LRP1B: variants seen among roughly 807,000 people sequenced by gnomAD.
The protein encoded by LRP1B is LDL receptor related protein 1B.
Under a neutral mutation model 556.6 loss-of-function variants are expected in LRP1B, and 217 were observed. That is an observed-to-expected ratio of 0.39 (90% CI 0.35 to 0.44). The LOEUF (loss-of-function observed/expected upper bound fraction) is 0.44. LRP1B is among the 20% of genes least tolerant of loss of function. The probability of loss-of-function intolerance (pLI) is 1.00; values close to 1 mark genes in which losing one functional copy is unlikely to be tolerated. For missense variants in LRP1B, 5,053 were observed against 5,620.8 expected, an observed-to-expected ratio of 0.90 and a Z score of 3.23; for synonymous variants, 2,047 against 1,865.8, an observed-to-expected ratio of 1.10 and a Z score of -2.50.
At position 141,995,416 on chromosome 2, in the gene LRP1B, T is replaced by C. The variant is rs191708922; in HGVS notation, c.82+135232A>G. 1.8e-4 allele frequency among the ~76,000 whole-genome samples: 27 copies of C among 152,302 alleles called. No individual in the cohort carries two copies. In the East Asian group the frequency reaches 4.2e-3, roughly 24 times the overall value. The stretch of plus-strand genomic sequence containing the variant: ...GCCTTAGCTCATCTGCTTCTGACTC[T>C]GACTCTTCCGCCTCCCTCTTTTAGC... On this transcript the variant is annotated intron_variant, in intron 1 of 90. Coordinates refer to ENST00000389484, the MANE Select transcript of LRP1B (RefSeq NM_018557.3).
chr2:141,784,829 G>A (rs1464668202), intron 2 of LRP1B, among the ~76,000 whole-genome samples: 2 of 151,874 alleles, frequency 1.3e-5, no homozygotes, highest in Non-Finnish European at 2.9e-5. Flanking sequence ...GTTTGGCACC[G>A]ATAACAGTCA....
chr2:141,385,867 T>C (rs1000424492), intron 3 of LRP1B, among the ~76,000 whole-genome samples: 1 of 152,216 alleles, frequency 6.6e-6, no homozygotes, highest in Non-Finnish European at 1.5e-5. Context: ...CTGGTGCTAC[T>C]AGGATGCTGC....
At chr2:141,015,589 A>G in intron 13 of LRP1B, 107 bp downstream of exon 13, 1 of 892,048 alleles carries the variant, frequency 1.1e-6, no homozygotes, top group Non-Finnish European at 1.7e-6. Context: ...ATTGGCAGCC[A>G]CCTCAGAGGA....
chr2:140,673,947 T>C (rs1433036345), intron 41 of LRP1B, among the ~76,000 whole-genome samples: 1 of 135,006 alleles, frequency 7.4e-6, no homozygotes, highest in Non-Finnish European at 1.6e-5. Context: ...CTTTTTTCTT[T>C]TTTTTTTTTT....
chr2:140,317,172 A>G (rs1222584120), intron 82 of LRP1B, among the ~76,000 whole-genome samples: 1 of 152,132 alleles, frequency 6.6e-6, no homozygotes, highest in Non-Finnish European at 1.5e-5. Flanking sequence ...TGAAGAAAGA[A>G]GCAGTAAGAG....
rs1376453612 is a variant in LRP1B at position 140,341,162 on chromosome 2, T to C, written c.11893-5324A>G. Among the ~76,000 whole-genome samples the C allele has an allele frequency of 3.3e-5, 5 of 151,632 alleles. No individual in the cohort carries two copies. In the East Asian group the frequency reaches 9.7e-4, roughly 29 times the overall value. ...AATAAATTGTGTTCTTATATCTCAG[T>C]GTCTCTCATCCATCAAATTCATTCA... On this transcript the variant is annotated intron_variant, in intron 77 of 90. Coordinates refer to ENST00000389484, the MANE Select transcript of LRP1B (RefSeq NM_018557.3).
intron 41 of LRP1B, among the ~76,000 whole-genome samples, chr2:140,606,894 G>A (rs1340607051): frequency 6.6e-6 from 1 of 151,886 alleles, no homozygotes; most frequent in Non-Finnish European, 1.5e-5. Flanking sequence ...TTTGGGTTAA[G>A]CAAAGCCTTC....
rs373730550 is a variant in LRP1B at position 141,079,767 on chromosome 2, C to T, written c.1014-17494G>A. On this transcript the variant is annotated intron_variant, in intron 7 of 90. Transcript: ENST00000389484. ...TTTTATGAAGACTATGTAAAAACTTCGTCAAAGATGATCTCATTGATCATG... is the reference window on the plus strand; with the variant it reads ...TTTTATGAAGACTATGTAAAAACTTTGTCAAAGATGATCTCATTGATCATG... Among the ~76,000 whole-genome samples the T allele has an allele frequency of 5.9e-5, 9 of 152,164 alleles. No individual in the cohort carries two copies. In the South Asian group the frequency reaches 1.4e-3, roughly 25 times the overall value.
intron 14 of LRP1B, among the ~76,000 whole-genome samples, chr2:141,007,605 A>G (rs1244689900): frequency 6.6e-6 from 1 of 151,684 alleles, no homozygotes; most frequent in African/African-American, 2.4e-5. Flanking sequence ...CTGTTATTCT[A>G]TGTTGTACAC....
intron 1 of LRP1B, among the ~76,000 whole-genome samples, chr2:141,970,615 G>A (rs914505810): frequency 6.6e-6 from 1 of 151,434 alleles, no homozygotes; most frequent in Non-Finnish European, 1.5e-5. Flanking sequence ...GTAACTGTAA[G>A]TATATGCCAT....
chr2:141,972,155 T>G (rs1701759944), intron 1 of LRP1B, among the ~76,000 whole-genome samples: 1 of 151,620 alleles, frequency 6.6e-6, no homozygotes, highest in Non-Finnish European at 1.5e-5. Flanking sequence ...AAATAATTAT[T>G]GAATAGTGGT....
intron 4 of LRP1B, among the ~76,000 whole-genome samples, chr2:141,249,818 G>A (rs1219243644): frequency 1.3e-5 from 2 of 152,128 alleles, no homozygotes; most frequent in African/African-American, 2.4e-5. Context: ...TTGTACTGAT[G>A]TTGATGTAAT....
intron 86 of LRP1B, among the ~76,000 whole-genome samples, chr2:140,261,570 T>G (rs1198555012): frequency 6.6e-6 from 1 of 151,896 alleles, no homozygotes; most frequent in Non-Finnish European, 1.5e-5. Context: ...ATAATTAGGT[T>G]GAATAACCTA....
Position 140,850,124 on chromosome 2 carries a change from C to A in LRP1B, c.4917G>T (p.Gly1639=), listed in dbSNP as rs199598164. Residue 1639 remains glycine, a synonymous_variant, in exon 29 of 91, where the codon GGG becomes GGT. Transcript: ENST00000389484. ...TACCTCTTGAAATAACAGTTTCTAA[C>A]CCAGTTCCGTTAATAAAAGCTCGTT... ...TIKRAFINGT[G]LETVISRDIQ... 1.2e-6 allele frequency: 2 copies of A among 1,610,908 alleles called. No individual in the cohort carries two copies. Among genetic ancestry groups the A allele is most frequent in the South Asian group, 1.1e-5 (1 of 90,894 alleles).
chr2:140,638,977 C>T (rs1684175418), intron 41 of LRP1B, among the ~76,000 whole-genome samples: 1 of 151,416 alleles, frequency 6.6e-6, no homozygotes. Context: ...AGTAATTTCT[C>T]CAACGAGAAA....
chr2:140,467,958 T>C (rs1233408261), intron 60 of LRP1B, among the ~76,000 whole-genome samples: 2 of 152,098 alleles, frequency 1.3e-5, no homozygotes, highest in East Asian at 3.9e-4. Context: ...TGAACAAACA[T>C]TTGAGAGAGA....
At chr2:140,620,476 G>A (rs920389841) in intron 41 of LRP1B, among the ~76,000 whole-genome samples, 10 of 152,090 alleles carry the variant, frequency 6.6e-5, no homozygotes, top group African/African-American at 2.2e-4. Context: ...TAAATGTCAA[G>A]AACAAAGTAA....
intron 23 of LRP1B, among the ~76,000 whole-genome samples, chr2:140,895,306 A>T (rs1693918330): frequency 1.3e-5 from 2 of 152,238 alleles, no homozygotes; most frequent in South Asian, 4.1e-4. Flanking sequence ...ATATGCTGCA[A>T]ATTTGCCAGT....
intron 3 of LRP1B, among the ~76,000 whole-genome samples, chr2:141,399,896 G>C (rs1690386659): frequency 6.6e-6 from 1 of 152,198 alleles, no homozygotes; most frequent in Admixed American, 6.5e-5. Context: ...ATAGTAAGGA[G>C]AAAGCTGTCA....
Sources: allele counts gnomAD v4.1 joint callset (sites outside exome capture counted in the v4.1 genomes callset), GRCh38; gene constraint gnomAD v4.1.1; transcripts MANE v1.5; gene names NCBI Gene and HGNC (gene_info 2026-07-23, HGNC 2026-07-21).